The following KIAA1217 variants were observed in gnomAD, a reference collection of about 807,000 sequenced individuals.
KIAA1217 encodes the protein sickle tail protein homolog.
A neutral mutation model predicts 163.9 loss-of-function variants in KIAA1217; 88 were observed. The ratio of observed to expected loss-of-function variants is 0.54; its 90% confidence interval spans 0.45 to 0.64. KIAA1217 has a LOEUF of 0.64. Ranked by LOEUF, KIAA1217 falls within the 30% of genes least tolerant of loss-of-function variation. KIAA1217 has a pLI of 0.00. For synonymous variants in KIAA1217, 903 were observed against 923.1 expected (o/e 0.98, Z 0.39); for missense variants, 2,372 against 2,475.0 (o/e 0.96, Z 0.88).
intron 1 of KIAA1217, among the ~76,000 whole-genome samples, chr10:23,716,993 AT>A (rs1837612638): frequency 2.6e-5 from 4 of 152,102 alleles, no homozygotes; most frequent in Admixed American, 2.6e-4. Context: ...CTATATTTAT[AT>A]TTCACTTATT....
At chr10:23,801,940 T>C (rs1193425964) in intron 1 of KIAA1217, among the ~76,000 whole-genome samples, 1 of 152,210 alleles carries the variant, frequency 6.6e-6, no homozygotes, top group Non-Finnish European at 1.5e-5. Context: ...AAAATCTAGA[T>C]GTCTTCTTTA....
intron 2 of KIAA1217, among the ~76,000 whole-genome samples, chr10:24,039,800 A>AGATATAGATATAGATATG (rs1252381199): frequency 0.026 from 113 of 4,400 alleles, no homozygotes; most frequent in Non-Finnish European, 0.11. Context: ...AGATATAGAT[A>AGATATAGATATAGATATG]GATATAGATA....
chr10:23,790,168 TAC>T (rs1175233136), intron 1 of KIAA1217, among the ~76,000 whole-genome samples: 10 of 64,358 alleles, frequency 1.6e-4, no homozygotes, highest in South Asian at 5.3e-4. Flanking sequence ...TATACACATA[TAC>T]ACATATGCAT....
At chr10:24,288,071 C>T (rs553868497) in intron 2 of KIAA1217, among the ~76,000 whole-genome samples, 112 of 152,150 alleles carry the variant, frequency 7.4e-4, no homozygotes, top group Non-Finnish European at 1.2e-3. Context: ...TTATTTTCAT[C>T]GGGAAAGTAC....
rs183679222 is a variant in KIAA1217 at position 23,949,995 on chromosome 10, G to A, written c.-320-57230G>A. 4.5e-3 allele frequency among the ~76,000 whole-genome samples: 691 copies of A among 152,278 alleles called. 3 individuals are homozygous for A. The highest frequency in any genetic ancestry group is 7.5e-3 in the Non-Finnish European group (513 of 68,014). On this transcript the variant is annotated intron_variant, in intron 1 of 18. Coordinates refer to the KIAA1217 transcript ENST00000376462. ...CTTATAAGACTCCTGTGAGGTAGAT[G>A]ATTTTATCATCTCAAGCGTAGATTA...
intron 2 of KIAA1217, among the ~76,000 whole-genome samples, chr10:24,342,216 A>T: frequency 6.6e-6 from 1 of 152,234 alleles, no homozygotes; most frequent in East Asian, 1.9e-4. Flanking sequence ...TGAGAAACAA[A>T]TCATTGTCAT....
intron 2 of KIAA1217, among the ~76,000 whole-genome samples, chr10:24,291,946 G>C (rs1590666399): frequency 6.6e-6 from 1 of 152,128 alleles, no homozygotes; most frequent in South Asian, 2.1e-4. Flanking sequence ...CCCTACCCTT[G>C]CAGTTGCATA....
chr10:23,754,219 C>T (rs1195483920), intron 1 of KIAA1217, among the ~76,000 whole-genome samples: 7 of 152,060 alleles, frequency 4.6e-5, no homozygotes, highest in African/African-American at 7.3e-5. Context: ...ATGAATAACA[C>T]GGGGAAGGCA....
At chr10:24,545,203 C>G (rs574127891) in intron 20 of KIAA1217, 100 bp downstream of exon 20, 2 of 1,532,770 alleles carry the variant, frequency 1.3e-6, no homozygotes, top group South Asian at 2.6e-5. Context: ...TGTAAGATAA[C>G]GGTTTACATA....
intron 1 of KIAA1217, among the ~76,000 whole-genome samples, chr10:23,911,019 C>G (rs943103787): frequency 2.0e-5 from 3 of 152,156 alleles, no homozygotes; most frequent in Non-Finnish European, 4.4e-5. Flanking sequence ...TTGGATGCCA[C>G]CAACACTTAA....
At chr10:24,170,668 C>G (rs948644814) in intron 2 of KIAA1217, among the ~76,000 whole-genome samples, 4 of 152,194 alleles carry the variant, frequency 2.6e-5, no homozygotes, top group African/African-American at 7.2e-5. Context: ...ATCTCCACTA[C>G]CTCTGCTGCT....
chr10:23,959,066 A>G (rs1564566307), intron 1 of KIAA1217, among the ~76,000 whole-genome samples: 1 of 151,420 alleles, frequency 6.6e-6, no homozygotes, highest in African/African-American at 2.4e-5. Flanking sequence ...ATAAAGAAAC[A>G]TTTCATTATG....
chr10:24,191,793 G>A (rs905496491), intron 2 of KIAA1217, among the ~76,000 whole-genome samples: 5 of 152,134 alleles, frequency 3.3e-5, no homozygotes, highest in South Asian at 2.1e-4. Flanking sequence ...TCGCTCTGTT[G>A]CCCAGGCTGG....
chr10:24,459,501 C>A (rs1302704279), intron 5 of KIAA1217, among the ~76,000 whole-genome samples: 1 of 152,194 alleles, frequency 6.6e-6, no homozygotes, highest in Non-Finnish European at 1.5e-5. Flanking sequence ...GATCCCTTTT[C>A]CCTCATCAGC....
intron 1 of KIAA1217, among the ~76,000 whole-genome samples, chr10:23,762,722 C>T (rs1023886396): frequency 6.6e-6 from 1 of 152,202 alleles, no homozygotes; most frequent in Non-Finnish European, 1.5e-5. Flanking sequence ...CAAGAATACT[C>T]TCTCTCACCA....
chr10:24,110,117 A>C (rs778692939), intron 2 of KIAA1217, among the ~76,000 whole-genome samples: 2 of 152,218 alleles, frequency 1.3e-5, no homozygotes, highest in African/African-American at 2.4e-5. Flanking sequence ...ACTTTGAGAC[A>C]GTCTTAATTA....
At chr10:24,424,791 CG>C (rs2059046934) in intron 3 of KIAA1217, among the ~76,000 whole-genome samples, 1 of 152,056 alleles carries the variant, frequency 6.6e-6, no homozygotes, top group Non-Finnish European at 1.5e-5. Context: ...TTAGTAGAGA[CG>C]GGGTTTCACC....
At chr10:24,087,114 C>T (rs1266576239) in intron 2 of KIAA1217, among the ~76,000 whole-genome samples, 2 of 152,080 alleles carry the variant, frequency 1.3e-5, no homozygotes, top group African/African-American at 4.8e-5. Context: ...TCTCTAACAC[C>T]AATGATGACT....
At chr10:23,773,772 G>A (rs1359959880) in intron 1 of KIAA1217, among the ~76,000 whole-genome samples, 1 of 152,076 alleles carries the variant, frequency 6.6e-6, no homozygotes. Context: ...TCTGTTCTTG[G>A]TGTATAAGAA....
Sources: allele counts gnomAD v4.1 joint callset (sites outside exome capture counted in the v4.1 genomes callset), GRCh38; gene constraint gnomAD v4.1.1; transcripts MANE v1.5; gene names NCBI Gene and HGNC (gene_info 2026-07-23, HGNC 2026-07-21).